Variants in SLC5A1 observed in about 807,000 individuals in gnomAD.
SLC5A1 encodes the protein sodium/glucose cotransporter 1.
In SLC5A1, 42 loss-of-function variants were observed where a neutral mutation model predicts 73.5. The observed-to-expected ratio is 0.57, with a 90% CI of 0.45 to 0.74. The LOEUF is 0.74. Ranked by LOEUF, SLC5A1 falls within the 30% of genes least tolerant of loss-of-function variation. The probability of loss-of-function intolerance (pLI) is 0.00; values close to 1 mark genes in which losing one functional copy is unlikely to be tolerated. For missense variants in SLC5A1, 634 were observed against 855.4 expected, an observed-to-expected ratio of 0.74 and a Z score of 3.23; for synonymous variants, 300 against 317.4, an observed-to-expected ratio of 0.95 and a Z score of 0.58.
chr22:32,044,519 T>G (rs1213649843), intron 1 of SLC5A1, among the ~76,000 whole-genome samples: 2 of 151,804 alleles, frequency 1.3e-5, no homozygotes, highest in South Asian at 2.1e-4. Context: ...GGAAGTGTTT[T>G]TTTTTTTTTT....
chr22:32,099,722 TATCTA>T (rs1315259746), intron 12 of SLC5A1, among the ~76,000 whole-genome samples: 1 of 152,130 alleles, frequency 6.6e-6, no homozygotes, highest in Non-Finnish European at 1.5e-5. Flanking sequence ...TTAGATTTTC[TATCTA>T]ATCTTGGTGA....
At chr22:32,073,712 A>G (rs1223605104) in intron 5 of SLC5A1, among the ~76,000 whole-genome samples, 1 of 152,066 alleles carries the variant, frequency 6.6e-6, no homozygotes, top group East Asian at 1.9e-4. Flanking sequence ...ACACGCCACC[A>G]TGCCTGGCTA....
In SLC5A1 at chr22:32,084,586, CG is replaced by C; in HGVS notation, c.815del (p.Gly272GlufsTer39). On this transcript the variant is annotated frameshift_variant, in exon 8 of 15. Transcript: ENST00000266088. LOFTEE classifies it high-confidence loss of function. ...DSFHIFRDPLTGDLPWPGFIF... is the reference protein window; with the variant it reads ...DSFHIFRDPLXGDLPWPGFIF... ...TTCCACATCTTCCGAGATCCCCTCA[CG>C]GGAGACCTCCCATGGCCTGGGTTCA... The C allele has an allele frequency of 6.2e-7, 1 of 1,614,236 alleles. No homozygotes were observed. Among genetic ancestry groups the C allele is most frequent in the Non-Finnish European group, 8.5e-7 (1 of 1,180,036 alleles).
In SLC5A1 at chr22:32,110,214, G is replaced by C. The variant is rs765774393; in HGVS notation, c.*1G>C. On this transcript the variant is annotated 3_prime_UTR_variant, in exon 15 of 15. Coordinates refer to ENST00000266088, the MANE Select transcript of SLC5A1 (RefSeq NM_000343.4). ...CTTTTGCCATGCATATTTTGCCTGA[G>C]TCCTACCTTTTGCTGTAGATTTACC... is the stretch of plus-strand genomic sequence containing the variant. The C allele has an allele frequency of 2.1e-5, 33 of 1,605,668 alleles. No homozygotes were observed. Among genetic ancestry groups the C allele is most frequent in the Non-Finnish European group, 2.7e-5 (32 of 1,172,846 alleles).
At chr22:32,101,672 G>C (rs1186454618) in intron 12 of SLC5A1, among the ~76,000 whole-genome samples, 3 of 152,130 alleles carry the variant, frequency 2.0e-5, no homozygotes, top group Admixed American at 6.5e-5. Context: ...AGGTGGAGAG[G>C]CTCAAATTAT....
At chr22:32,056,437 C>CCT (rs1555961512) in intron 2 of SLC5A1, among the ~76,000 whole-genome samples, 4 of 121,620 alleles carry the variant, frequency 3.3e-5, no homozygotes, top group Non-Finnish European at 5.0e-5. Context: ...ACCTTCCTGT[C>CCT]TTTTTTTTTT....
At position 32,084,817 on chromosome 22, in the gene SLC5A1, C is replaced by T. The variant is rs558588772; in HGVS notation, c.886-83C>T. 4.1e-4 allele frequency: 661 copies of T among 1,595,166 alleles called. 3 individuals carry two copies. The highest frequency in any genetic ancestry group is 1.8e-3 in the Middle Eastern group (8 of 4,522). On this transcript the variant is annotated intron_variant, in intron 8 of 14. Coordinates refer to ENST00000266088, the MANE Select transcript of SLC5A1 (RefSeq NM_000343.4). ...TGATACAGCAGTGCCAGGCCAATGA[C>T]CCAAGATGGCGAAGCTAGGAAGTAC... is the stretch of plus-strand genomic sequence containing the variant.
intron 11 of SLC5A1, among the ~76,000 whole-genome samples, chr22:32,098,620 T>G (rs893450286): frequency 2.0e-5 from 3 of 152,208 alleles, no homozygotes; most frequent in African/African-American, 7.2e-5. Context: ...CTATTGAAAG[T>G]CAAGTGTGTT....
chr22:32,077,427 C>T (rs2093992877), intron 5 of SLC5A1, among the ~76,000 whole-genome samples: 2 of 151,682 alleles, frequency 1.3e-5, no homozygotes, highest in Admixed American at 1.3e-4. Flanking sequence ...CTCCATCCTT[C>T]CCCCTACTCT....
At chr22:32,060,196 TA>T (rs879416565) in intron 2 of SLC5A1, among the ~76,000 whole-genome samples, 4,044 of 149,402 alleles carry the variant, frequency 0.027, 185 homozygotes, top group African/African-American at 0.081. Context: ...CATATATATA[TA>T]TATTTTTTTA....
chr22:32,110,257 C>T lies in SLC5A1; in HGVS notation c.*44C>T. 2 of 1,446,340 alleles carry T rather than the reference C, an allele frequency of 1.4e-6. No homozygotes were observed. Among genetic ancestry groups the T allele is most frequent in the East Asian group, 2.3e-5 (1 of 44,200 alleles). The allele number at this position is 1,446,340 out of a possible 1,614,324, so 89.6% of individuals were successfully genotyped here. ...GATTTACCATGGCTGGACTCTTACT[C>T]ACCTTCCTTTAGTCTCGTCCTGTGG... On this transcript the variant is annotated 3_prime_UTR_variant, in exon 15 of 15. Transcript: ENST00000266088.
chr22:32,099,983 T>C lies in SLC5A1; in HGVS notation c.1449+632T>C, dbSNP rs73881606. 7.8e-3 allele frequency among the ~76,000 whole-genome samples: 1,191 copies of C among 152,350 alleles called. 16 individuals carry two copies. The highest frequency in any genetic ancestry group is 0.027 in the African/African-American group (1,114 of 41,576). On this transcript the variant is annotated intron_variant, in intron 12 of 14. Transcript: ENST00000266088. ...AGGAAGGGATTTAAGAAAGGCTTTA[T>C]TAGCAGGGACTGAAACTGTCAGGGA...
At position 32,067,030 on chromosome 22, in the gene SLC5A1, T is replaced by TGA; in HGVS notation, c.304_305dup (p.Trp103AsnfsTer25). The TGA allele has an allele frequency of 1.2e-6, 2 of 1,611,978 alleles. No homozygotes were observed. The highest frequency in any genetic ancestry group is 1.7e-6 in the Non-Finnish European group (2 of 1,178,260). On this transcript the variant is annotated frameshift_variant, in exon 3 of 15. Coordinates refer to ENST00000266088, the MANE Select transcript of SLC5A1 (RefSeq NM_000343.4). LOFTEE classifies it high-confidence loss of function. The stretch of plus-strand genomic sequence containing the variant: ...CTTCAGGCATCGCCATTGGAGGCTT[T>TGA]GAATGGAATGTGAGTAACACTGCAG...
intron 1 of SLC5A1, among the ~76,000 whole-genome samples, chr22:32,046,633 A>G (rs1191314377): frequency 6.6e-6 from 1 of 152,166 alleles, no homozygotes; most frequent in Non-Finnish European, 1.5e-5. Flanking sequence ...ACATTTCAGA[A>G]GACAACAGGC....
chr22:32,100,633 C>A (rs2094034716), intron 12 of SLC5A1, among the ~76,000 whole-genome samples: 1 of 152,100 alleles, frequency 6.6e-6, no homozygotes, highest in African/African-American at 2.4e-5. Flanking sequence ...CAAGGCTAGT[C>A]TCAAACTCCT....
At chr22:32,058,173 A>G (rs1291732151) in intron 2 of SLC5A1, among the ~76,000 whole-genome samples, 1 of 152,144 alleles carries the variant, frequency 6.6e-6, no homozygotes, top group East Asian at 1.9e-4. Context: ...ATAGGTTTGT[A>G]TCTCCTCATG....
rs2094017692 is a variant in SLC5A1, at chr22:32,091,599, C to T, written c.1130-13C>T. 1.2e-6 allele frequency: 2 copies of T among 1,613,954 alleles called. No homozygotes were observed. The highest frequency in any genetic ancestry group is 1.7e-6 in the Non-Finnish European group (2 of 1,179,922). Reference sequence around the variant, plus strand: ...GTGCTGTTATGTGCCACTCAAAAATCCTTCTCTTCCAGGACTGCGAGGCCT... The same window carrying T: ...GTGCTGTTATGTGCCACTCAAAAATTCTTCTCTTCCAGGACTGCGAGGCCT... On this transcript the variant is annotated splice_polypyrimidine_tract_variant and intron_variant, in intron 10 of 14. Coordinates refer to ENST00000266088, the MANE Select transcript of SLC5A1 (RefSeq NM_000343.4).
rs1279750273 is a variant in SLC5A1, at chr22:32,049,149, C to CAT, written c.136-794_136-793insAT. 1.5e-3 allele frequency among the ~76,000 whole-genome samples: 199 copies of CAT among 129,792 alleles called. 1 individual carries two copies. The highest frequency in any genetic ancestry group is 3.0e-3 in the African/African-American group (112 of 37,178). The allele number at this position is 129,792 out of a possible 152,430, so 85.1% of individuals were successfully genotyped here. On this transcript the variant is annotated intron_variant, in intron 1 of 14. Transcript: ENST00000266088. ...TATATAATCATTATATATATATAAT[C>CAT]TATATTATATATAATCTATATCTAT...
chr22:32,068,403 G>C, intron 4 of SLC5A1, 93 bp from the exon 5 acceptor site: 1 of 875,108 alleles, frequency 1.1e-6, no homozygotes, highest in Non-Finnish European at 2.0e-6. Context: ...CCACACTTCT[G>C]TGGCTCTGAT....
Sources: allele counts gnomAD v4.1 joint callset (sites outside exome capture counted in the v4.1 genomes callset), GRCh38; gene constraint gnomAD v4.1.1; transcripts MANE v1.5; gene names NCBI Gene and HGNC (gene_info 2026-07-23, HGNC 2026-07-21).